DPH1: variants seen among roughly 807,000 people sequenced by gnomAD.
DPH1 encodes diphthamide biosynthesis 1, also known as 2-(3-amino-3-carboxypropyl)histidine synthase subunit 1.
Under a neutral mutation model 55.3 loss-of-function variants are expected in DPH1, and 59 were observed. That is an observed-to-expected ratio of 1.07 (90% CI 0.87 to 1.33). The LOEUF is 1.33. DPH1 is among the 40% of genes most tolerant of loss of function. DPH1 has a pLI of 0.00. For missense variants in DPH1, 628 were observed against 584.8 expected (o/e 1.07, Z -0.76); for synonymous variants, 238 against 235.5 (o/e 1.01, Z -0.10).
chr17:2,043,404 CATA>C lies in DPH1; in HGVS notation c.*823_*825del. On this transcript the variant is annotated 3_prime_UTR_variant, in exon 13 of 13. Transcript: ENST00000263083. ...GAGGCTGGCACCATGGTGACTGCCA[CATA>C]ATAAAGTGGTGATTTGGATTTTGAG... 1 of 343,586 alleles carries C rather than the reference CATA, an allele frequency of 2.9e-6. No homozygotes were observed. The highest frequency in any genetic ancestry group is 5.3e-6 in the Non-Finnish European group (1 of 188,380). 21.3% of individuals were successfully genotyped at this position (343,586 alleles called of 1,614,324 possible).
chr17:2,043,268 C>T lies in DPH1; in HGVS notation c.*682C>T. On this transcript the variant is annotated 3_prime_UTR_variant, in exon 13 of 13. Transcript: ENST00000263083. The stretch of plus-strand genomic sequence containing the variant: ...AGACCCAAATTATAAGGGCCCTGCC[C>T]TGTACTGAAGAAAAGGGGAGCACAA... 1.2e-6 allele frequency: 1 copy of T among 832,462 alleles called. No homozygotes were observed. Among genetic ancestry groups the T allele is most frequent in the South Asian group, 1.8e-5 (1 of 54,794 alleles). 51.6% of individuals were successfully genotyped at this position (832,462 alleles called of 1,614,324 possible). A position where few individuals can be genotyped will look rare whatever the true frequency, so the allele number is the denominator to read the frequency against.
rs2067364520 is a variant in DPH1 at position 2,033,784 on chromosome 17, T to C, written c.220T>C (p.Leu74=). The change falls in exon 3 of 13, where the codon TTG becomes CTG. Residue 74 remains leucine, a synonymous_variant. Coordinates refer to ENST00000263083, the MANE Select transcript of DPH1 (RefSeq NM_001383.6). The stretch of plus-strand genomic sequence containing the variant: ...TGTCTCTGCTCGTCTTGCAGTGGCC[T>C]TGCAAATGCCGGAAGGCCTCCTCCT... The part of the protein sequence containing the change: ...IQQAQAKKVA[L]QMPEGLLLFA... The C allele has an allele frequency of 1.2e-6, 2 of 1,614,102 alleles. No individual in the cohort carries two copies. The highest frequency in any genetic ancestry group is 2.7e-5 in the African/African-American group (2 of 74,950).
rs531532997 is a variant in DPH1 at position 2,033,202 on chromosome 17, G to A, written c.62-303G>A. Among the ~76,000 whole-genome samples the A allele has an allele frequency of 1.2e-4, 19 of 152,226 alleles. No individual in the cohort carries two copies. In the East Asian group the frequency reaches 2.3e-3, roughly 19 times the overall value. On this transcript the variant is annotated intron_variant, in intron 1 of 12. Coordinates refer to ENST00000263083, the MANE Select transcript of DPH1 (RefSeq NM_001383.6). ...TGGGGGGGTGGGTGTCCTGGTTTCT[G>A]AAAAACAACTTAGGGATATATGTCA...
In DPH1 at chr17:2,042,669, C is replaced by T. The variant is rs1567550169; in HGVS notation, c.*83C>T. ...TTTCAGAGCAGGAGGCCGACGTTTT[C>T]TCCGCATTGGAAGAGCCCGCCGTCT... On this transcript the variant is annotated 3_prime_UTR_variant, in exon 13 of 13. Coordinates refer to ENST00000263083, the MANE Select transcript of DPH1 (RefSeq NM_001383.6). 2 of 1,524,748 alleles carry T rather than the reference C, an allele frequency of 1.3e-6. No individual in the cohort carries two copies. Among genetic ancestry groups the T allele is most frequent in the East Asian group, 2.3e-5 (1 of 44,196 alleles). The allele number at this position is 1,524,748 out of a possible 1,614,324, so 94.5% of individuals were successfully genotyped here.
intron 1 of DPH1, 83 bp from the exon 2 acceptor site, chr17:2,033,422 G>A (rs1275910489): frequency 6.2e-7 from 1 of 1,601,972 alleles, no homozygotes; most frequent in Non-Finnish European, 8.5e-7. Context: ...GGCACCGGCA[G>A]GCCCTGAAAA....
At position 2,041,091 on chromosome 17, in the gene DPH1, T is replaced by C. The variant is rs761845712; in HGVS notation, c.1008-12T>C. 5.0e-6 allele frequency: 8 copies of C among 1,593,884 alleles called. No individual in the cohort carries two copies. In the Admixed American group the frequency reaches 1.2e-4, roughly 24 times the overall value. On this transcript the variant is annotated splice_polypyrimidine_tract_variant and intron_variant, in intron 9 of 12. Transcript: ENST00000263083. ...GGCCCTTCCTAGGGTCTGACCTGGC[T>C]TCCCTTCCCAGGTGGGTGCAGGTGG...
Position 2,033,631 on chromosome 17 carries a change from G to A in DPH1, c.188G>A (p.Arg63Lys). The A allele has an allele frequency of 6.2e-7, 1 of 1,614,226 alleles. No individual in the cohort carries two copies. The highest frequency in any genetic ancestry group is 8.5e-7 in the Non-Finnish European group (1 of 1,180,042). The change falls in exon 2 of 13, where the codon AGG becomes AAG. Residue 63 changes from arginine (R) to lysine (K), a missense_variant. By Grantham distance (26) the Arg-to-Lys change is conservative. Coordinates refer to ENST00000263083, the MANE Select transcript of DPH1 (RefSeq NM_001383.6). ...YNFEIPKTIW[R>K]IQQAQAKKVA... ...TTTGAGATCCCCAAGACCATCTGGA[G>A]GATCCAACAAGCCCAGGCCAAGAAG...
chr17:2,033,106 C>G (rs2067353455), intron 1 of DPH1, among the ~76,000 whole-genome samples: 1 of 152,100 alleles, frequency 6.6e-6, no homozygotes, highest in Admixed American at 6.6e-5. Context: ...CTGGAACTTT[C>G]TTACCTATTT....
chr17:2,033,972 C>A, intron 3 of DPH1, 130 bp downstream of exon 3: 1 of 1,033,884 alleles, frequency 9.7e-7, no homozygotes, highest in Non-Finnish European at 1.4e-6. Flanking sequence ...CCCTTTCCCT[C>A]CCACAACCAT....
In DPH1 at chr17:2,042,763, C is replaced by G; in HGVS notation, c.*177C>G. The G allele has an allele frequency of 1.2e-6, 2 of 1,608,116 alleles. No homozygotes were observed. Among genetic ancestry groups the G allele is most frequent in the East Asian group, 4.5e-5 (2 of 44,824 alleles). Reference sequence around the variant, plus strand: ...GAACAGGCTGGGGCCTTTTGACGGCCTTCTTGGTTTCAGCCAAGGGGCTGC... The same window carrying G: ...GAACAGGCTGGGGCCTTTTGACGGCGTTCTTGGTTTCAGCCAAGGGGCTGC... On this transcript the variant is annotated 3_prime_UTR_variant, in exon 13 of 13. Transcript: ENST00000263083.
intron 6 of DPH1, among the ~76,000 whole-genome samples, chr17:2,038,147 CAAAAAAAAAAAAA>C (rs201391773): frequency 2.8e-5 from 3 of 108,748 alleles, no homozygotes; most frequent in Non-Finnish European, 3.7e-5. Flanking sequence ...CTGTTCTCTC[CAAAAAAAAAAAAA>C]AAAAAAAAAA....
At position 2,039,695 on chromosome 17, in the gene DPH1, G is replaced by A. The variant is rs555380205; in HGVS notation, c.681-60G>A. The A allele has an allele frequency of 3.1e-6, 5 of 1,610,638 alleles. No individual in the cohort carries two copies. In the East Asian group the frequency reaches 1.1e-4, roughly 36 times the overall value. On this transcript the variant is annotated intron_variant, in intron 6 of 12. Coordinates refer to ENST00000263083, the MANE Select transcript of DPH1 (RefSeq NM_001383.6). Reference sequence around the variant, plus strand: ...CCCGGCCAGCCCTGTGGACTTCTAAGCCAGCGAGTGCCTCTTCTGCTGCCC... The same window carrying A: ...CCCGGCCAGCCCTGTGGACTTCTAAACCAGCGAGTGCCTCTTCTGCTGCCC...
In DPH1 at chr17:2,043,071, C is replaced by G; in HGVS notation, c.*485C>G. On this transcript the variant is annotated 3_prime_UTR_variant, in exon 13 of 13. Coordinates refer to ENST00000263083, the MANE Select transcript of DPH1 (RefSeq NM_001383.6). ...CAGCAGCTGCACCCCAGCGTCAGGC[C>G]TACCTCAAGTTCTTGGACCAGTTTG... The G allele has an allele frequency of 6.2e-7, 1 of 1,613,908 alleles. No homozygotes were observed. Among genetic ancestry groups the G allele is most frequent in the Non-Finnish European group, 8.5e-7 (1 of 1,180,010 alleles).
In DPH1 at chr17:2,042,918, C is replaced by T. The variant is rs770400641; in HGVS notation, c.*332C>T. Reference sequence around the variant, plus strand: ...TCAAGGAATCCATCCTGCAAAGGCCCTTGTCATTGCCTTCGCTCCATGTTT... The same window carrying T: ...TCAAGGAATCCATCCTGCAAAGGCCTTTGTCATTGCCTTCGCTCCATGTTT... On this transcript the variant is annotated 3_prime_UTR_variant, in exon 13 of 13. Transcript: ENST00000263083. 1.2e-6 allele frequency: 2 copies of T among 1,614,186 alleles called. No individual in the cohort carries two copies. Among genetic ancestry groups the T allele is most frequent in the South Asian group, 1.1e-5 (1 of 91,090 alleles).
In DPH1 at chr17:2,040,560, CTG is replaced by C; in HGVS notation, c.963_964del (p.Glu322AspfsTer7). The C allele has an allele frequency of 6.2e-7, 1 of 1,614,230 alleles. No individual in the cohort carries two copies. The highest frequency in any genetic ancestry group is 8.5e-7 in the Non-Finnish European group (1 of 1,180,044). On this transcript the variant is annotated frameshift_variant, in exon 9 of 13. Transcript: ENST00000263083. LOFTEE classifies it high-confidence loss of function. ...CTTTCCTTTGTGAGGCTGCTGCTCT[CTG>C]AGATCTTCCCCAGCAAGCTTAGCCT...
intron 7 of DPH1, 49 bp downstream of exon 7, chr17:2,039,872 C>T (rs761564889): frequency 5.0e-6 from 8 of 1,611,938 alleles, no homozygotes; most frequent in Non-Finnish European, 6.8e-6. Flanking sequence ...GGGTGAGATT[C>T]CCTGCCACTG....
In DPH1 at chr17:2,036,859, G is replaced by A. The variant is rs757770038; in HGVS notation, c.583G>A (p.Glu195Lys). ...LQAAAQELKA[E>K]YRVSVPQCKP... ...GGCAGCCGCCCAGGAGCTGAAAGCC[G>A]AGTATCGTGTGAGTGTCCCACAGTG... The change falls in exon 6 of 13, where the codon GAG becomes AAG. Residue 195 changes from glutamate to lysine, a missense_variant. Coordinates refer to ENST00000263083, the MANE Select transcript of DPH1 (RefSeq NM_001383.6). The surrounding 1 kb of genome is among the most constrained non-coding windows in gnomAD (Gnocchi z 4.8). 90 of 1,613,580 alleles carry A rather than the reference G, an allele frequency of 5.6e-5. No individual in the cohort carries two copies. Among genetic ancestry groups the A allele is most frequent in the African/African-American group, 8.0e-5 (6 of 74,932 alleles).
chr17:2,039,251 CA>C (rs1239545337), intron 6 of DPH1: 1 of 151,598 alleles, frequency 6.6e-6, no homozygotes, highest in African/African-American at 2.5e-5. Flanking sequence ...TTAGTAGAGA[CA>C]GGGTTTCACC....
At chr17:2,041,306 C>T in intron 10 of DPH1, 125 bp downstream of exon 10, 1 of 1,464,338 alleles carries the variant, frequency 6.8e-7, no homozygotes, top group East Asian at 2.5e-5. Flanking sequence ...GTCTCGATTT[C>T]TCCAGCGGAG....
Sources: allele counts gnomAD v4.1 joint callset (sites outside exome capture counted in the v4.1 genomes callset), GRCh38; gene constraint gnomAD v4.1.1; non-coding constraint Gnocchi (gnomAD v3.1); transcripts MANE v1.5; gene names NCBI Gene and HGNC (gene_info 2026-07-23, HGNC 2026-07-21).